Variants in SLC14A2 observed in about 807,000 individuals in gnomAD.
SLC14A2 encodes urea transporter 2.
In SLC14A2, 91 loss-of-function variants were observed where a neutral mutation model predicts 104.6. The ratio of observed to expected loss-of-function variants is 0.87; its 90% CI spans 0.73 to 1.04. The LOEUF (loss-of-function observed/expected upper bound fraction) is 1.04. SLC14A2 is among the 50% of genes least tolerant of loss of function. The probability of loss-of-function intolerance (pLI) is 0.00; values close to 1 mark genes in which losing one functional copy is unlikely to be tolerated. For missense variants in SLC14A2, 1,189 were observed against 1,156.0 expected (o/e 1.03, Z -0.41); for synonymous variants, 476 against 466.4 (o/e 1.02, Z -0.27).
intron 1 of SLC14A2, among the ~76,000 whole-genome samples, chr18:45,468,469 A>G (rs2087184854): frequency 6.6e-6 from 1 of 151,994 alleles, no homozygotes; most frequent in African/African-American, 2.4e-5. Context: ...AGCAGAAGCT[A>G]GGCAGTCTGA....
intron 7 of SLC14A2, 75 bp downstream of exon 7, chr18:45,639,968 T>C: frequency 7.4e-7 from 1 of 1,344,846 alleles, no homozygotes; most frequent in Non-Finnish European, 1.0e-6. Flanking sequence ...ATACAGCAAA[T>C]CTTCCAGACA....
chr18:45,552,618 G>A (rs1454802747), intron 2 of SLC14A2, among the ~76,000 whole-genome samples: 2 of 152,328 alleles, frequency 1.3e-5, no homozygotes, highest in African/African-American at 4.8e-5. Flanking sequence ...GGTGTGTGTG[G>A]AAAAACAAAA....
intron 1 of SLC14A2, among the ~76,000 whole-genome samples, chr18:45,239,677 G>A (rs554112189): frequency 6.6e-6 from 1 of 152,340 alleles, no homozygotes; most frequent in African/African-American, 2.4e-5. Context: ...AAAAATCTAC[G>A]ATGGCTTCAC....
Position 45,669,296 on chromosome 18 carries a change from C to T in SLC14A2, c.2037-10C>T, listed in dbSNP as rs750739616. On this transcript the variant is annotated splice_polypyrimidine_tract_variant and intron_variant, in intron 15 of 19. Coordinates refer to ENST00000255226, the MANE Select transcript of SLC14A2 (RefSeq NM_007163.4). Reference sequence around the variant, plus strand: ...TTCCTGACCAGCATCTCTCATGCTTCTGCCATCAGCCCCATCCTCTCCAGT... The same window carrying T: ...TTCCTGACCAGCATCTCTCATGCTTTTGCCATCAGCCCCATCCTCTCCAGT... 4 of 1,607,208 alleles carry T rather than the reference C, an allele frequency of 2.5e-6. No individual in the cohort carries two copies. In the East Asian group the frequency reaches 8.9e-5, roughly 36 times the overall value.
At chr18:45,385,856 C>G (rs1002185942) in intron 1 of SLC14A2, among the ~76,000 whole-genome samples, 15 of 152,050 alleles carry the variant, frequency 9.9e-5, no homozygotes, top group African/African-American at 3.6e-4. Context: ...GAGAAAGAAC[C>G]TAAGTCAGTT....
rs141784544 is a variant in SLC14A2 at position 45,436,956 on chromosome 18, C to T, written c.-124-46277C>T. Among the ~76,000 whole-genome samples, 1,324 of 152,158 alleles carry T rather than the reference C, an allele frequency of 8.7e-3. 12 individuals are homozygous for T. Among genetic ancestry groups the T allele is most frequent in the Middle Eastern group, 0.014 (4 of 294 alleles). On this transcript the variant is annotated intron_variant, in intron 1 of 20. Transcript: ENST00000586448. ...GGAAGACACATTTGAACTTTGTCTCCCAAAGCATGTTGGTCCTCCGCTCAG... is the reference window on the plus strand; with the variant it reads ...GGAAGACACATTTGAACTTTGTCTCTCAAAGCATGTTGGTCCTCCGCTCAG...
intron 2 of SLC14A2, among the ~76,000 whole-genome samples, chr18:45,561,045 G>A (rs2044194702): frequency 6.6e-6 from 1 of 152,204 alleles, no homozygotes; most frequent in Middle Eastern, 3.2e-3. Context: ...AGGATACTGT[G>A]TGGTGAAAGA....
chr18:45,173,596 G>A, the SLC14A2 span, among the ~76,000 whole-genome samples: 3 of 152,108 alleles, frequency 2.0e-5, no homozygotes, highest in South Asian at 4.1e-4. Context: ...GTGCTGATGG[G>A]CTAGTGAAGA....
chr18:45,284,479 C>T (rs986311744), intron 1 of SLC14A2, among the ~76,000 whole-genome samples: 4 of 152,142 alleles, frequency 2.6e-5, no homozygotes, highest in Non-Finnish European at 4.4e-5. Flanking sequence ...CATGCCCCCT[C>T]CACCCTGCCC....
At chr18:45,358,884 C>A (rs1259721419) in intron 1 of SLC14A2, among the ~76,000 whole-genome samples, 2 of 152,118 alleles carry the variant, frequency 1.3e-5, no homozygotes, top group African/African-American at 2.4e-5. Flanking sequence ...AGCCTCTTTC[C>A]CCACAATTAA....
At chr18:45,370,280 A>G (rs1371240094) in intron 1 of SLC14A2, among the ~76,000 whole-genome samples, 1 of 152,146 alleles carries the variant, frequency 6.6e-6, no homozygotes, top group Non-Finnish European at 1.5e-5. Context: ...TCTTCCCCCA[A>G]GAGACCCCAG....
At position 45,594,687 on chromosome 18, in the gene SLC14A2, T is replaced by C. The variant is rs554260710; in HGVS notation, c.-34-29944T>C. 3.3e-5 allele frequency among the ~76,000 whole-genome samples: 5 copies of C among 152,174 alleles called. No homozygotes were observed. The South Asian group carries it at 1.0e-3, about 32-fold the overall frequency. ...CTTACTTGTCTCTTCCTTGTAAAAA[T>C]TGGGATACTATTTTCTAGCCTGATA... is the stretch of plus-strand genomic sequence containing the variant. On this transcript the variant is annotated intron_variant, in intron 2 of 20. Coordinates refer to the SLC14A2 transcript ENST00000586448.
intron 1 of SLC14A2, among the ~76,000 whole-genome samples, chr18:45,415,453 G>A (rs2086267018): frequency 6.6e-6 from 1 of 152,066 alleles, no homozygotes; most frequent in Admixed American, 6.6e-5. Context: ...ACTATCTGAT[G>A]GCATAAGTCA....
At chr18:45,425,445 C>T (rs985052203) in intron 1 of SLC14A2, among the ~76,000 whole-genome samples, 5 of 152,206 alleles carry the variant, frequency 3.3e-5, no homozygotes, top group Admixed American at 3.3e-4. Flanking sequence ...CACCATGATT[C>T]TGCATGCTCC....
chr18:45,613,475 T>G (rs374921970), upstream of SLC14A2, among the ~76,000 whole-genome samples: 1 of 152,040 alleles, frequency 6.6e-6, no homozygotes, highest in Non-Finnish European at 1.5e-5. Context: ...CGGAGGAAGA[T>G]AGATAGAAAG....
chr18:45,379,956 C>A (rs892881087), intron 1 of SLC14A2, among the ~76,000 whole-genome samples: 1 of 152,168 alleles, frequency 6.6e-6, no homozygotes, highest in Non-Finnish European at 1.5e-5. Context: ...CAGTAATGCC[C>A]ACCCCACCTT....
chr18:45,316,921 C>T (rs1205839506), intron 1 of SLC14A2, among the ~76,000 whole-genome samples: 1 of 152,242 alleles, frequency 6.6e-6, no homozygotes, highest in Non-Finnish European at 1.5e-5. Context: ...AGAGTGTTCA[C>T]TCCATAGGCC....
chr18:45,261,873 T>C (rs1230870342), intron 1 of SLC14A2, among the ~76,000 whole-genome samples: 1 of 152,234 alleles, frequency 6.6e-6, no homozygotes, highest in Non-Finnish European at 1.5e-5. Context: ...AACGTACATG[T>C]GCATGTGTCT....
chr18:45,525,138 C>T (rs2043575848), intron 2 of SLC14A2, among the ~76,000 whole-genome samples: 1 of 152,020 alleles, frequency 6.6e-6, no homozygotes, highest in African/African-American at 2.4e-5. Context: ...TAGACACACA[C>T]ACACACACAC....
Sources: gnomAD v4.1 joint callset for allele counts (sites outside exome capture counted in the v4.1 genomes callset) on GRCh38, gnomAD v4.1.1 for gene constraint, MANE v1.5 for transcripts, NCBI Gene and HGNC (gene_info 2026-07-23, HGNC 2026-07-21) for gene names.